BFSP1: variants seen among roughly 807,000 people sequenced by gnomAD.
The protein encoded by BFSP1 is beaded filament structural protein 1.
A neutral mutation model predicts 43.9 loss-of-function variants in BFSP1; 38 were observed. That is an observed-to-expected ratio of 0.87 (90% CI 0.67 to 1.14). The LOEUF is 1.14. Ranked by LOEUF, BFSP1 falls within the 50% of genes most tolerant of loss-of-function variation. The pLI is 0.00. For synonymous variants in BFSP1, 352 were observed against 354.8 expected, an observed-to-expected ratio of 0.99 and a Z score of 0.09; for missense variants, 850 against 875.1, an observed-to-expected ratio of 0.97 and a Z score of 0.36.
chr20:17,549,661 C>A (rs770677556), intron 1 of BFSP1, among the ~76,000 whole-genome samples: 1 of 152,054 alleles, frequency 6.6e-6, no homozygotes, highest in African/African-American at 2.4e-5. Context: ...CATGGTGAAA[C>A]CCCGTCTGTA....
At chr20:17,537,924 C>G (rs1030278657) in intron 1 of BFSP1, among the ~76,000 whole-genome samples, 3 of 152,044 alleles carry the variant, frequency 2.0e-5, no homozygotes, top group African/African-American at 7.2e-5. Context: ...CCAAGACCAG[C>G]CTGGGCAATA....
rs1281271662 is a variant in BFSP1 at position 17,498,802 on chromosome 20, G to A, written c.956+18C>T. On this transcript the variant is annotated intron_variant, in intron 6 of 7. Coordinates refer to ENST00000377873, the MANE Select transcript of BFSP1 (RefSeq NM_001195.5). ...GTGGAAGGAATAAGTGGCCTGGATG[G>A]GGAGGGCACACGCTCACCTGTTGCC... 1.2e-6 allele frequency: 2 copies of A among 1,609,210 alleles called. No homozygotes were observed. Among genetic ancestry groups the A allele is most frequent in the Admixed American group, 1.7e-5 (1 of 59,650 alleles).
chr20:17,496,529 A>G (rs560050482), intron 7 of BFSP1, among the ~76,000 whole-genome samples: 40 of 152,242 alleles, frequency 2.6e-4, no homozygotes, highest in African/African-American at 8.4e-4. Flanking sequence ...CCTTTGATTC[A>G]ATGTGGGGAG....
At chr20:17,566,941 G>A (rs6080739) in intron 1 of BFSP1, among the ~76,000 whole-genome samples, 121,240 of 152,146 alleles carry the variant, frequency 0.8, 49,583 homozygotes, top group South Asian at 0.92. Flanking sequence ...TGTGAGCCAC[G>A]GTGCCCGGCC....
chr20:17,564,600 T>G (rs1306914952), intron 1 of BFSP1, among the ~76,000 whole-genome samples: 1 of 152,152 alleles, frequency 6.6e-6, no homozygotes, highest in Non-Finnish European at 1.5e-5. Context: ...TCTTCTTCTT[T>G]TTTTTTGAGA....
intron 1 of BFSP1, among the ~76,000 whole-genome samples, chr20:17,537,759 G>A (rs2034652841): frequency 2.0e-5 from 3 of 151,960 alleles, no homozygotes; most frequent in African/African-American, 7.3e-5. Context: ...ATGGAATGAG[G>A]ATTGATAAAA....
intron 1 of BFSP1, among the ~76,000 whole-genome samples, chr20:17,553,397 A>G (rs2034926943): frequency 6.6e-6 from 1 of 152,174 alleles, no homozygotes. Flanking sequence ...AAAAACAAAA[A>G]TCCTCAATGA....
chr20:17,558,854 G>T, exon 1 of BFSP1: 1 of 1,008,462 alleles, frequency 9.9e-7, no homozygotes, highest in Non-Finnish European at 1.4e-6. Context: ...TTAGAGGTTT[G>T]CAGAGAGGAA....
chr20:17,520,218 A>G (rs2269050), intron 2 of BFSP1, among the ~76,000 whole-genome samples: 1,873 of 118,386 alleles, frequency 0.016, 61 homozygotes, highest in African/African-American at 0.052. Context: ...GTGCCCCCCC[A>G]CCCCGCCCAC....
intron 1 of BFSP1, chr20:17,558,582 C>A: frequency 7.9e-7 from 1 of 1,267,814 alleles, no homozygotes; most frequent in South Asian, 1.4e-5. Flanking sequence ...ATGTGCAACC[C>A]GCTTGCTGTA....
chr20:17,508,813 A>G lies in BFSP1; in HGVS notation c.735+76T>C, dbSNP rs189607558. ...AGCGTGTGACAGCTCCTCAAGCTGC[A>G]TGCGTGTGCCTGCGCGTAACACCTC... On this transcript the variant is annotated intron_variant, in intron 5 of 7. Coordinates refer to ENST00000377873, the MANE Select transcript of BFSP1 (RefSeq NM_001195.5). 2,128 of 1,313,512 alleles carry G rather than the reference A, an allele frequency of 1.6e-3. 6 individuals are homozygous for G. Among genetic ancestry groups the G allele is most frequent in the Non-Finnish European group, 1.9e-3 (1,875 of 976,932 alleles). 81.4% of individuals were successfully genotyped at this position (1,313,512 alleles called of 1,614,324 possible).
chr20:17,558,704 G>A, exon 1 of BFSP1: 1 of 1,551,956 alleles, frequency 6.4e-7, no homozygotes, highest in Non-Finnish European at 8.7e-7. Flanking sequence ...TCTCCAGCAT[G>A]GAGGCTCCTT....
At chr20:17,556,583 C>A (rs1318833112) in intron 1 of BFSP1, among the ~76,000 whole-genome samples, 1 of 151,996 alleles carries the variant, frequency 6.6e-6, no homozygotes, top group Non-Finnish European at 1.5e-5. Flanking sequence ...ATCTATCTAT[C>A]GTGTGTGTAA....
At chr20:17,540,205 G>A (rs150516797) in intron 1 of BFSP1, among the ~76,000 whole-genome samples, 5 of 148,670 alleles carry the variant, frequency 3.4e-5, no homozygotes, top group African/African-American at 1.2e-4. Context: ...GGAGCTACAA[G>A]TGATGTGAAT....
chr20:17,547,198 A>C (rs534470671), intron 1 of BFSP1, among the ~76,000 whole-genome samples: 1 of 151,822 alleles, frequency 6.6e-6, no homozygotes, highest in Non-Finnish European at 1.5e-5. Context: ...TTAAGGAAAA[A>C]ATAGTAAAAT....
upstream of BFSP1, among the ~76,000 whole-genome samples, chr20:17,534,196 AT>A (rs2034593033): frequency 6.6e-6 from 1 of 152,246 alleles, no homozygotes; most frequent in Non-Finnish European, 1.5e-5. Flanking sequence ...GTAGAGATAG[AT>A]TCCACAGGAC....
chr20:17,512,305 C>A (rs2034102726), intron 3 of BFSP1, among the ~76,000 whole-genome samples: 1 of 152,148 alleles, frequency 6.6e-6, no homozygotes, highest in Admixed American at 6.5e-5. Flanking sequence ...TTCACAAGAA[C>A]AACGGGGCCG....
chr20:17,495,013 C>A lies in BFSP1; in HGVS notation c.1059G>T (p.Leu353=), dbSNP rs765236451. 3 of 1,612,102 alleles carry A rather than the reference C, an allele frequency of 1.9e-6. No homozygotes were observed. The South Asian group carries it at 3.3e-5, about 18-fold the overall frequency. Residue 353 remains leucine (L), a synonymous_variant, in exon 8 of 8, where the codon CTG becomes CTT. Transcript: ENST00000377873. ...GSGGKDLTRA[L]QDITAAKPRQ... ...TTGGTTTTGCTGCTGTTATATCCTG[C>A]AGAGCTCTGGTAAGATCTGGAAAAA...
intron 1 of BFSP1, among the ~76,000 whole-genome samples, chr20:17,544,949 C>T (rs6044871): frequency 1.3e-5 from 2 of 152,166 alleles, no homozygotes; most frequent in African/African-American, 4.8e-5. Context: ...TCATTAACAC[C>T]TACAAACTGC....
Sources: allele counts gnomAD v4.1 joint callset (sites outside exome capture counted in the v4.1 genomes callset), GRCh38; gene constraint gnomAD v4.1.1; transcripts MANE v1.5; gene names NCBI Gene and HGNC (gene_info 2026-07-23, HGNC 2026-07-21).